PDCL: variants seen among roughly 807,000 people sequenced by gnomAD.
PDCL encodes phosducin like.
In PDCL, 11 loss-of-function variants were observed where a neutral mutation model predicts 26.7. That is an observed-to-expected ratio of 0.41 (90% confidence interval 0.26 to 0.68). The LOEUF (loss-of-function observed/expected upper bound fraction) is 0.68. Ranked by LOEUF, PDCL falls within the 30% of genes least tolerant of loss-of-function variation. The probability of loss-of-function intolerance (pLI) is 0.30; values close to 1 mark genes in which losing one functional copy is unlikely to be tolerated. For synonymous variants in PDCL, 118 were observed against 134.9 expected, an observed-to-expected ratio of 0.87 and a Z score of 0.87; for missense variants, 330 against 371.6, an observed-to-expected ratio of 0.89 and a Z score of 0.92.
At position 122,820,577 on chromosome 9, in the gene PDCL, C is replaced by G; in HGVS notation, c.414G>C (p.Gln138His). The G allele has an allele frequency of 6.2e-7, 1 of 1,613,878 alleles. No homozygotes were observed. Among genetic ancestry groups the G allele is most frequent in the African/African-American group, 1.3e-5 (1 of 74,996 alleles). Residue 138 changes from glutamine (Q) to histidine (H), a missense_variant, in exon 4 of 4, where the codon CAG becomes CAC. Transcript: ENST00000259467. Reference protein sequence around the residue: ...NEDQDDEEFLQQYRKQRMEEM... With the variant: ...NEDQDDEEFLHQYRKQRMEEM... ...CTTCCATTCGCTGCTTCCGGTACTG[C>G]TGCAGAAACTCTTCATCATCTTGGT...
At chr9:122,826,962 G>A (rs989763853) in intron 1 of PDCL, among the ~76,000 whole-genome samples, 170 bp from the exon 2 acceptor site, 1 of 152,076 alleles carries the variant, frequency 6.6e-6, no homozygotes, top group African/African-American at 2.4e-5. Flanking sequence ...GTGTGTTAGG[G>A]CTTATCACAC....
At chr9:122,823,254 G>T in intron 2 of PDCL, 57 bp from the exon 3 acceptor site, 1 of 1,542,504 alleles carries the variant, frequency 6.5e-7, no homozygotes, top group Non-Finnish European at 8.9e-7. Context: ...TTATGGACCA[G>T]CTGACATCTG....
At position 122,818,547 on chromosome 9, in the gene PDCL, T is replaced by C. The variant is rs1489970886; in HGVS notation, c.*1538A>G. 1 of 151,832 alleles carries C rather than the reference T, an allele frequency of 6.6e-6. No individual in the cohort carries two copies. Among genetic ancestry groups the C allele is most frequent in the Non-Finnish European group, 1.5e-5 (1 of 67,978 alleles). The allele number at this position is 151,832 out of a possible 1,614,324, so 9.4% of individuals were successfully genotyped here. On this transcript the variant is annotated 3_prime_UTR_variant, in exon 4 of 4. Transcript: ENST00000259467. ...ATAATTTTCAATACATTCCACCCTTTCTACTACAACGAGCTTTCTTAGTCA... is the reference window on the plus strand; with the variant it reads ...ATAATTTTCAATACATTCCACCCTTCCTACTACAACGAGCTTTCTTAGTCA...
At chr9:122,828,262 G>T (rs1829654842) in intron 1 of PDCL, among the ~76,000 whole-genome samples, 1 of 152,140 alleles carries the variant, frequency 6.6e-6, no homozygotes, top group African/African-American at 2.4e-5. Context: ...CCCCGGACGG[G>T]AAGCAGAGGG....
intron 3 of PDCL, 186 bp from the exon 4 acceptor site, chr9:122,820,822 TAAAAA>T (rs5900544): frequency 4.3e-4 from 132 of 305,862 alleles, no homozygotes; most frequent in Admixed American, 1.0e-3. Context: ...CATCTCTCCT[TAAAAA>T]AAAAAAAAAA....
chr9:122,819,045 T>A lies in PDCL; in HGVS notation c.*1040A>T, dbSNP rs1277148828. The A allele has an allele frequency of 6.6e-6, 1 of 152,082 alleles. No individual in the cohort carries two copies. Among genetic ancestry groups the A allele is most frequent in the Non-Finnish European group, 1.5e-5 (1 of 68,006 alleles). 9.4% of individuals were successfully genotyped at this position (152,082 alleles called of 1,614,324 possible). On this transcript the variant is annotated 3_prime_UTR_variant, in exon 4 of 4. Transcript: ENST00000259467. ...TTTAATAATATAAAAAAAGGTCTGA[T>A]ATATTATTAGCTGACCATACTATAG...
At chr9:122,827,316 A>G (rs1829640528) in intron 1 of PDCL, among the ~76,000 whole-genome samples, 1 of 152,200 alleles carries the variant, frequency 6.6e-6, no homozygotes, top group Non-Finnish European at 1.5e-5. Context: ...CCAGCCTTCA[A>G]CTTCCCAGAC....
At chr9:122,823,710 C>G (rs1829584707) in intron 2 of PDCL, among the ~76,000 whole-genome samples, 1 of 151,698 alleles carries the variant, frequency 6.6e-6, no homozygotes, top group African/African-American at 2.4e-5. Context: ...GTAGTAGGAT[C>G]TAAGCAACTG....
rs74768009 is a variant in PDCL, at chr9:122,827,179, T to C, written c.-5-387A>G. ...CTAGTGGTTTTATCTGTGCTTTTAG[T>C]TTTCCCACCAGCTAAGACTGCTGCC... On this transcript the variant is annotated intron_variant, in intron 1 of 3. Coordinates refer to ENST00000259467, the MANE Select transcript of PDCL (RefSeq NM_005388.5). 5.2e-3 allele frequency among the ~76,000 whole-genome samples: 787 copies of C among 152,288 alleles called. 6 individuals are homozygous for C. The highest frequency in any genetic ancestry group is 0.018 in the African/African-American group (749 of 41,554).
At position 122,819,225 on chromosome 9, in the gene PDCL, T is replaced by C. The variant is rs72753232; in HGVS notation, c.*860A>G. 25 of 152,172 alleles carry C rather than the reference T, an allele frequency of 1.6e-4. No homozygotes were observed. The highest frequency in any genetic ancestry group is 2.6e-4 in the Non-Finnish European group (18 of 68,006). The allele number at this position is 152,172 out of a possible 1,614,324, so 9.4% of individuals were successfully genotyped here. A position where few individuals can be genotyped will look rare whatever the true frequency, so the allele number is the denominator to read the frequency against. On this transcript the variant is annotated 3_prime_UTR_variant, in exon 4 of 4. Transcript: ENST00000259467. ...GAGATTATTTTAATTTTCTTATTTT[T>C]GCTTCTGTTTTGGTCAGTTTTCCTC...
At chr9:122,827,587 C>T (rs528988435) in intron 1 of PDCL, among the ~76,000 whole-genome samples, 5 of 152,046 alleles carry the variant, frequency 3.3e-5, no homozygotes, top group Non-Finnish European at 7.4e-5. Context: ...CAAAAATTAG[C>T]CAGGTGTGGT....
intron 3 of PDCL, among the ~76,000 whole-genome samples, chr9:122,821,750 G>GT (rs143779251): frequency 0.015 from 2,244 of 152,082 alleles, 47 homozygotes; most frequent in African/African-American, 0.051. Context: ...TCTCACCTCA[G>GT]TATCAGGAAG....
chr9:122,823,185 A>C lies in PDCL; in HGVS notation c.185T>G (p.Val62Gly). Residue 62 changes from valine (V) to glycine (G), a missense_variant, in exon 3 of 4, where the codon GTG (valine) becomes GGG (glycine). By Grantham distance (109) the Val-to-Gly change is moderately radical. Transcript: ENST00000259467. ...GISVNTGPKG[V>G]INDWRRFKQL... ...CTTGAAGCGGCGCCAGTCATTGATC[A>C]CACCTTTTGGGCCTGAGTAGGGTGA... 6.2e-7 allele frequency: 1 copy of C among 1,614,036 alleles called. No individual in the cohort carries two copies.
intron 2 of PDCL, among the ~76,000 whole-genome samples, chr9:122,825,548 C>G (rs1319663841): frequency 1.3e-5 from 2 of 152,014 alleles, no homozygotes; most frequent in Non-Finnish European, 2.9e-5. Context: ...AATTAAGAAA[C>G]TATAAAATAC....
At position 122,819,515 on chromosome 9, in the gene PDCL, T is replaced by C. The variant is rs1396413827; in HGVS notation, c.*570A>G. Reference sequence around the variant, plus strand: ...TCAACCCTTCCTGCTGTTCCAGACTTAGTCATGCTGGAGGAAGACATGAAA... The same window carrying C: ...TCAACCCTTCCTGCTGTTCCAGACTCAGTCATGCTGGAGGAAGACATGAAA... On this transcript the variant is annotated 3_prime_UTR_variant, in exon 4 of 4. Transcript: ENST00000259467. 2.0e-5 allele frequency: 3 copies of C among 152,178 alleles called. No homozygotes were observed. The highest frequency in any genetic ancestry group is 4.8e-5 in the African/African-American group (2 of 41,400). The allele number at this position is 152,178 out of a possible 1,614,324, so 9.4% of individuals were successfully genotyped here.
intron 2 of PDCL, among the ~76,000 whole-genome samples, chr9:122,824,906 G>A (rs1829603762): frequency 1.3e-5 from 2 of 152,082 alleles, no homozygotes; most frequent in African/African-American, 2.4e-5. Context: ...CCCAGTAAAA[G>A]ACAAATCAAT....
intron 2 of PDCL, 152 bp downstream of exon 2, chr9:122,826,464 A>G (rs1564269799): frequency 3.3e-6 from 2 of 607,414 alleles, no homozygotes; most frequent in East Asian, 5.8e-5. Context: ...AAAAGGCTAG[A>G]AGCACACATA....
chr9:122,819,659 A>G lies in PDCL; in HGVS notation c.*426T>C, dbSNP rs1476699465. The G allele has an allele frequency of 6.5e-6, 1 of 154,206 alleles. No homozygotes were observed. The highest frequency in any genetic ancestry group is 1.4e-5 in the Non-Finnish European group (1 of 69,560). 9.6% of individuals were successfully genotyped at this position (154,206 alleles called of 1,614,324 possible). On this transcript the variant is annotated 3_prime_UTR_variant, in exon 4 of 4. Transcript: ENST00000259467. ...TAAAGCTATGGAACTGATTACAAGTAAATATAATTTACAATCATTTGATTA... is the reference window on the plus strand; with the variant it reads ...TAAAGCTATGGAACTGATTACAAGTGAATATAATTTACAATCATTTGATTA...
chr9:122,819,678 T>G lies in PDCL; in HGVS notation c.*407A>C, dbSNP rs1287720563. The G allele has an allele frequency of 6.4e-6, 1 of 155,304 alleles. No individual in the cohort carries two copies. Among genetic ancestry groups the G allele is most frequent in the African/African-American group, 2.4e-5 (1 of 41,538 alleles). The allele number at this position is 155,304 out of a possible 1,614,324, so 9.6% of individuals were successfully genotyped here. On this transcript the variant is annotated 3_prime_UTR_variant, in exon 4 of 4. Coordinates refer to ENST00000259467, the MANE Select transcript of PDCL (RefSeq NM_005388.5). Reference sequence around the variant, plus strand: ...ACAAGTAAATATAATTTACAATCATTTGATTAAGAAAATGCACTATTTACG... The same window carrying G: ...ACAAGTAAATATAATTTACAATCATGTGATTAAGAAAATGCACTATTTACG...
Sources: gnomAD v4.1 joint callset for allele counts (sites outside exome capture counted in the v4.1 genomes callset) on GRCh38, gnomAD v4.1.1 for gene constraint, MANE v1.5 for transcripts, NCBI Gene and HGNC (gene_info 2026-07-23, HGNC 2026-07-21) for gene names.